NPAS3: variants seen among roughly 807,000 people sequenced by gnomAD.
NPAS3 encodes the protein neuronal PAS domain protein 3.
NPAS3 carries 14 observed loss-of-function variants against 73.1 expected under a neutral mutation model. The observed-to-expected ratio is 0.19, with a 90% CI of 0.13 to 0.30. The LOEUF (loss-of-function observed/expected upper bound fraction) is 0.30. NPAS3 is among the 10% of genes least tolerant of loss of function. NPAS3 has a pLI of 1.00. For missense variants in NPAS3, 1,096 were observed against 1,250.0 expected (o/e 0.88, Z 1.86); for synonymous variants, 620 against 541.5 (o/e 1.14, Z -2.01).
chr14:33,395,826 C>A (rs548838577), intron 4 of NPAS3, among the ~76,000 whole-genome samples: 29 of 152,234 alleles, frequency 1.9e-4, no homozygotes, highest in African/African-American at 5.3e-4. Context: ...ATTAAACAAG[C>A]ATTAATTAAA....
chr14:33,224,505 C>CCT (rs2139731098), intron 3 of NPAS3, among the ~76,000 whole-genome samples: 2 of 152,070 alleles, frequency 1.3e-5, no homozygotes, highest in African/African-American at 4.8e-5. Flanking sequence ...AATGTCAGAA[C>CCT]CTCAGCATTC....
At chr14:32,978,874 C>T (rs749375419) in intron 1 of NPAS3, among the ~76,000 whole-genome samples, 6 of 152,176 alleles carry the variant, frequency 3.9e-5, no homozygotes, top group East Asian at 3.9e-4. Context: ...TATTTTCCTT[C>T]GTCTCTAAGG....
At chr14:33,344,369 G>A (rs2044631105) in intron 3 of NPAS3, among the ~76,000 whole-genome samples, 1 of 152,154 alleles carries the variant, frequency 6.6e-6, no homozygotes, top group African/African-American at 2.4e-5. Flanking sequence ...TCAACCCAGT[G>A]ACATCCATAT....
At chr14:33,324,069 A>G (rs1461204107) in intron 3 of NPAS3, among the ~76,000 whole-genome samples, 1 of 152,238 alleles carries the variant, frequency 6.6e-6, no homozygotes, top group Non-Finnish European at 1.5e-5. Context: ...TAGCATTAAG[A>G]AGCAGACAGT....
At chr14:33,407,049 A>G (rs2047698666) in intron 4 of NPAS3, among the ~76,000 whole-genome samples, 1 of 152,162 alleles carries the variant, frequency 6.6e-6, no homozygotes, top group Non-Finnish European at 1.5e-5. Flanking sequence ...GTAAAGCATC[A>G]TTTTGTGTAA....
intron 4 of NPAS3, among the ~76,000 whole-genome samples, chr14:33,441,018 C>T (rs2049224833): frequency 6.6e-6 from 1 of 152,144 alleles, no homozygotes; most frequent in Non-Finnish European, 1.5e-5. Context: ...AATCATAAAA[C>T]CCCACTGTCC....
chr14:33,725,734 A>G (rs1236802139), intron 6 of NPAS3, among the ~76,000 whole-genome samples: 3 of 152,028 alleles, frequency 2.0e-5, no homozygotes, highest in Non-Finnish European at 2.9e-5. Context: ...CCTGGCTCCC[A>G]TCTCTAGAAA....
chr14:33,188,981 G>A (rs142159938), intron 2 of NPAS3, among the ~76,000 whole-genome samples: 191 of 152,220 alleles, frequency 1.3e-3, no homozygotes, highest in African/African-American at 4.3e-3. Context: ...GCCTTTATTT[G>A]CTTGCCTTAA....
intron 3 of NPAS3, among the ~76,000 whole-genome samples, chr14:33,288,812 C>T (rs541408787): frequency 1.2e-4 from 19 of 152,186 alleles, no homozygotes; most frequent in Admixed American, 9.2e-4. Flanking sequence ...CATGTACACA[C>T]ACCCACAAAG....
chr14:33,150,670 C>T (rs200532232), intron 2 of NPAS3, among the ~76,000 whole-genome samples: 1 of 105,722 alleles, frequency 9.5e-6, no homozygotes, highest in African/African-American at 3.0e-5. Context: ...CCCCATATTT[C>T]TTCTGTATTC....
At chr14:33,179,858 A>G (rs2045728089) in intron 2 of NPAS3, among the ~76,000 whole-genome samples, 1 of 152,216 alleles carries the variant, frequency 6.6e-6, no homozygotes, top group Non-Finnish European at 1.5e-5. Flanking sequence ...AGTCTTTGTC[A>G]TTTCTAAATA....
At chr14:33,263,272 A>G (rs925009836) in intron 3 of NPAS3, among the ~76,000 whole-genome samples, 4 of 152,172 alleles carry the variant, frequency 2.6e-5, no homozygotes, top group Admixed American at 6.5e-5. Flanking sequence ...TTAAGTCTTT[A>G]ATCCATCTTG....
intron 1 of NPAS3, among the ~76,000 whole-genome samples, chr14:33,041,207 G>A (rs961182665): frequency 6.6e-6 from 1 of 152,112 alleles, no homozygotes; most frequent in Non-Finnish European, 1.5e-5. Flanking sequence ...CTAGTGATTT[G>A]TTCACTGTCC....
At chr14:33,368,213 A>G (rs2045927442) in intron 4 of NPAS3, among the ~76,000 whole-genome samples, 1 of 151,520 alleles carries the variant, frequency 6.6e-6, no homozygotes, top group Non-Finnish European at 1.5e-5. Context: ...CAGGGCCTTT[A>G]TGGTGCTTTC....
chr14:33,006,359 CTG>C (rs1195147671), intron 1 of NPAS3, among the ~76,000 whole-genome samples: 2 of 152,102 alleles, frequency 1.3e-5, no homozygotes, highest in Non-Finnish European at 2.9e-5. Context: ...CCTGGGCAAA[CTG>C]GATCCTGCAT....
In NPAS3 at chr14:33,367,930, T is replaced by G. The variant is rs188261288; in HGVS notation, c.468+662T>G. Reference sequence around the variant, plus strand: ...CGTCATCTCACTTATTCAAAACTTTTTTTTACTAAGACTTTGCCATCGATT... The same window carrying G: ...CGTCATCTCACTTATTCAAAACTTTGTTTTACTAAGACTTTGCCATCGATT... On this transcript the variant is annotated intron_variant, in intron 4 of 11. Transcript: ENST00000356141. Among the ~76,000 whole-genome samples the G allele has an allele frequency of 3.3e-5, 5 of 152,266 alleles. No individual in the cohort carries two copies. The East Asian group carries it at 9.6e-4, about 29-fold the overall frequency.
At chr14:33,619,208 T>C (rs2058010070) in intron 5 of NPAS3, among the ~76,000 whole-genome samples, 1 of 152,186 alleles carries the variant, frequency 6.6e-6, no homozygotes, top group South Asian at 2.1e-4. Flanking sequence ...ATTTCTGTGA[T>C]TTTATCTGCC....
At chr14:33,411,770 C>CA (rs1346852050) in intron 4 of NPAS3, among the ~76,000 whole-genome samples, 1 of 150,886 alleles carries the variant, frequency 6.6e-6, no homozygotes, top group African/African-American at 2.5e-5. Context: ...AATGTCTTCC[C>CA]AGCCATCTAC....
At chr14:33,008,012 A>G (rs958177590) in intron 1 of NPAS3, among the ~76,000 whole-genome samples, 2 of 152,230 alleles carry the variant, frequency 1.3e-5, no homozygotes, top group Non-Finnish European at 2.9e-5. Context: ...CCAGTTAAAG[A>G]AGAAAGAAAA....
Sources: gnomAD v4.1 joint callset for allele counts (sites outside exome capture counted in the v4.1 genomes callset) on GRCh38, gnomAD v4.1.1 for gene constraint, MANE v1.5 for transcripts, NCBI Gene and HGNC (gene_info 2026-07-23, HGNC 2026-07-21) for gene names.